Variants in NARS2 observed in about 807,000 individuals in gnomAD.
NARS2 encodes the protein asparaginyl-tRNA synthetase.
NARS2 carries 60 observed loss-of-function variants against 62.9 expected under a neutral mutation model. That is an observed-to-expected ratio of 0.95 (90% CI 0.77 to 1.18). The LOEUF is 1.18. Ranked by LOEUF, NARS2 falls within the 50% of genes most tolerant of loss-of-function variation. NARS2 has a pLI of 0.00. For missense variants in NARS2, 619 were observed against 576.4 expected (o/e 1.07, Z -0.76); for synonymous variants, 196 against 200.0 (o/e 0.98, Z 0.17).
chr11:78,443,780 T>C (rs1368152090), intron 11 of NARS2, 22 bp from the exon 12 acceptor site: 2 of 1,527,968 alleles, frequency 1.3e-6, no homozygotes, highest in African/African-American at 2.7e-5. Flanking sequence ...AAAAAAATTA[T>C]TAGCATTATA....
chr11:78,495,861 C>T (rs1043152667), intron 6 of NARS2, among the ~76,000 whole-genome samples: 5 of 152,126 alleles, frequency 3.3e-5, no homozygotes, highest in African/African-American at 1.2e-4. Flanking sequence ...AGTAAAATGA[C>T]ATTTCTGGTA....
intron 6 of NARS2, among the ~76,000 whole-genome samples, chr11:78,504,114 A>T (rs1181346311): frequency 6.6e-6 from 1 of 152,252 alleles, no homozygotes; most frequent in Non-Finnish European, 1.5e-5. Context: ...CTCTTTCTAC[A>T]GTAGTCCCTA....
intron 11 of NARS2, among the ~76,000 whole-genome samples, chr11:78,444,316 A>G (rs1180576828): frequency 6.6e-6 from 1 of 152,202 alleles, no homozygotes; most frequent in Non-Finnish European, 1.5e-5. Flanking sequence ...GTGGCAATGA[A>G]GAGTTTAATT....
intron 11 of NARS2, among the ~76,000 whole-genome samples, chr11:78,448,095 A>T (rs1182749161): frequency 6.6e-6 from 1 of 152,200 alleles, no homozygotes; most frequent in East Asian, 1.9e-4. Flanking sequence ...AGGATCTGCT[A>T]ATTAGTTTGA....
chr11:78,507,230 T>G (rs946319242), intron 6 of NARS2, among the ~76,000 whole-genome samples: 3 of 145,332 alleles, frequency 2.1e-5, no homozygotes. Context: ...TTTATTTTCC[T>G]TTGGGAGTCA....
rs952784570 is a variant in NARS2, at chr11:78,574,635, C to T, written c.-147G>A. The T allele has an allele frequency of 6.0e-6, 5 of 834,078 alleles. No individual in the cohort carries two copies. The highest frequency in any genetic ancestry group is 9.1e-6 in the Non-Finnish European group (5 of 552,080). 51.7% of individuals were successfully genotyped at this position (834,078 alleles called of 1,614,324 possible). On this transcript the variant is annotated 5_prime_UTR_variant, in exon 1 of 14. Coordinates refer to ENST00000281038, the MANE Select transcript of NARS2 (RefSeq NM_024678.6). ...CCAGAGCCCCTCGGCTGCGCGCTTT[C>T]TCCTTCAGGACTCCCAGCTCTGTCC...
chr11:78,455,322 T>A (rs918041609), intron 11 of NARS2, among the ~76,000 whole-genome samples: 12 of 152,190 alleles, frequency 7.9e-5, no homozygotes, highest in Non-Finnish European at 1.6e-4. Context: ...TTTAAAAACA[T>A]TTGTTCATCT....
At chr11:78,522,630 CAGA>C (rs2135414853) in intron 6 of NARS2, among the ~76,000 whole-genome samples, 1 of 152,104 alleles carries the variant, frequency 6.6e-6, no homozygotes, top group East Asian at 1.9e-4. Flanking sequence ...GATGTAGAAA[CAGA>C]AGAATTCATT....
intron 2 of NARS2, among the ~76,000 whole-genome samples, chr11:78,569,354 C>A (rs1856841532): frequency 6.6e-6 from 1 of 152,126 alleles, no homozygotes; most frequent in Non-Finnish European, 1.5e-5. Context: ...CAGGTCTCAC[C>A]ATGCTGTCAA....
intron 6 of NARS2, among the ~76,000 whole-genome samples, chr11:78,508,146 A>C (rs1386514412): frequency 6.6e-6 from 1 of 152,254 alleles, no homozygotes; most frequent in Non-Finnish European, 1.5e-5. Context: ...GGCAAAAGAA[A>C]GAATCAGCAA....
intron 11 of NARS2, among the ~76,000 whole-genome samples, chr11:78,461,948 G>A (rs182335395): frequency 1.1e-4 from 16 of 152,116 alleles, no homozygotes; most frequent in African/African-American, 3.4e-4. Context: ...GCAAGATTCC[G>A]TCTTTTAAAA....
At chr11:78,554,692 A>G (rs556860930) in intron 5 of NARS2, among the ~76,000 whole-genome samples, 1 of 152,188 alleles carries the variant, frequency 6.6e-6, no homozygotes, top group Non-Finnish European at 1.5e-5. Context: ...GGCATTCTCT[A>G]GATATAGAAT....
chr11:78,443,632 A>T, intron 12 of NARS2, 29 bp downstream of exon 12: 1 of 1,539,820 alleles, frequency 6.5e-7, no homozygotes, highest in South Asian at 1.1e-5. Flanking sequence ...CAATTTCTCA[A>T]TTGTGTTTCT....
At position 78,443,769 on chromosome 11, in the gene NARS2, A is replaced by G. The variant is rs779193623; in HGVS notation, c.1165-11T>C. On this transcript the variant is annotated splice_polypyrimidine_tract_variant and intron_variant, in intron 11 of 13. Coordinates refer to ENST00000281038, the MANE Select transcript of NARS2 (RefSeq NM_024678.6). ...ATCAACAGCAGCAACCTAAGGAAAA[A>G]AAAAAAATTATTAGCATTATATTTT... 1 of 1,590,284 alleles carries G rather than the reference A, an allele frequency of 6.3e-7. No homozygotes were observed. The highest frequency in any genetic ancestry group is 1.1e-5 in the South Asian group (1 of 90,404).
intron 6 of NARS2, among the ~76,000 whole-genome samples, chr11:78,517,397 G>T (rs1215644064): frequency 6.6e-6 from 1 of 152,170 alleles, no homozygotes; most frequent in African/African-American, 2.4e-5. Flanking sequence ...CAGTTCATAG[G>T]TGGGGAGCTG....
In NARS2 at chr11:78,574,752, C is replaced by T; in HGVS notation, c.-264G>A. 4.4e-6 allele frequency: 2 copies of T among 452,192 alleles called. No homozygotes were observed. The highest frequency in any genetic ancestry group is 7.9e-5 in the Admixed American group (2 of 25,314). 28.0% of individuals were successfully genotyped at this position (452,192 alleles called of 1,614,324 possible). ...GAAAGAAACCACGTGCAGTTGGCAG[C>T]TGGGGCGCCCCACTACCCGCGACAA... On this transcript the variant is annotated 5_prime_UTR_variant, in exon 1 of 14. Coordinates refer to ENST00000281038, the MANE Select transcript of NARS2 (RefSeq NM_024678.6).
At position 78,528,843 on chromosome 11, in the gene NARS2, C is replaced by A; in HGVS notation, c.688G>T (p.Gly230Ter). The A allele has an allele frequency of 6.2e-7, 1 of 1,601,564 alleles. No homozygotes were observed. Among genetic ancestry groups the A allele is most frequent in the South Asian group, 1.1e-5 (1 of 90,734 alleles). ...AAAAGAGAAAGGAAAATTTCATACC[C>A]TGACATCACTTCTAGATGAAGTTGT... is the stretch of plus-strand genomic sequence containing the variant. ...SGQLHLEVMS[G>*]AFTQVFTFGP... Residue 230 changes from glycine to a stop codon, truncating the protein, a stop_gained and splice_region_variant, in exon 6 of 14, where the codon GGA becomes TGA. Coordinates refer to ENST00000281038, the MANE Select transcript of NARS2 (RefSeq NM_024678.6). LOFTEE classifies it high-confidence loss of function.
chr11:78,573,089 C>T (rs1430134531), intron 1 of NARS2: 1 of 152,100 alleles, frequency 6.6e-6, no homozygotes, highest in Non-Finnish European at 1.5e-5. Context: ...ACCAACAGAC[C>T]TATGGAAAGA....
chr11:78,478,783 T>C (rs1859222360), intron 7 of NARS2, 100 bp from the exon 8 acceptor site: 5 of 571,134 alleles, frequency 8.8e-6, no homozygotes, highest in African/African-American at 7.8e-5. Context: ...TTAGCAACTA[T>C]AAATCCACCA....
Sources: gnomAD v4.1 joint callset for allele counts (sites outside exome capture counted in the v4.1 genomes callset) on GRCh38, gnomAD v4.1.1 for gene constraint, MANE v1.5 for transcripts, NCBI Gene and HGNC (gene_info 2026-07-23, HGNC 2026-07-21) for gene names.